The following NPAS3 variants were observed in gnomAD, a reference collection of about 807,000 sequenced individuals.
The protein encoded by NPAS3 is neuronal PAS domain-containing protein 3.
In NPAS3, 14 loss-of-function variants were observed where a neutral mutation model predicts 73.1. The ratio of observed to expected loss-of-function variants is 0.19; its 90% CI spans 0.13 to 0.30. NPAS3 has a LOEUF of 0.30. NPAS3 is among the 10% of genes least tolerant of loss of function. The probability of loss-of-function intolerance (pLI) is 1.00; values close to 1 mark genes in which losing one functional copy is unlikely to be tolerated. For missense variants in NPAS3, 1,096 were observed against 1,250.0 expected, an observed-to-expected ratio of 0.88 and a Z score of 1.86; for synonymous variants, 620 against 541.5, an observed-to-expected ratio of 1.14 and a Z score of -2.01.
intron 2 of NPAS3, among the ~76,000 whole-genome samples, chr14:33,180,800 A>AAAC (rs2045769418): frequency 2.4e-5 from 1 of 41,428 alleles, no homozygotes; most frequent in Non-Finnish European, 5.3e-5. Flanking sequence ...CACTGTCTCC[A>AAAC]AGAAAAAAAA....
At chr14:33,527,766 G>T (rs1347115043) in intron 4 of NPAS3, among the ~76,000 whole-genome samples, 1 of 152,156 alleles carries the variant, frequency 6.6e-6, no homozygotes, top group Non-Finnish European at 1.5e-5. Flanking sequence ...TTTGAAATGT[G>T]AGAATCCTGT....
chr14:33,747,954 GCTC>G (rs2061854178), intron 7 of NPAS3, among the ~76,000 whole-genome samples: 1 of 152,008 alleles, frequency 6.6e-6, no homozygotes, highest in Admixed American at 6.6e-5. Context: ...GCTTTATCCT[GCTC>G]CTTACTGTTC....
intron 2 of NPAS3, among the ~76,000 whole-genome samples, chr14:33,084,705 C>G (rs113400649): frequency 0.026 from 3,974 of 152,094 alleles, 64 homozygotes; most frequent in Non-Finnish European, 0.039. Flanking sequence ...GAGGGGAGAC[C>G]CTTGAGGTTA....
At chr14:33,178,068 G>T (rs1176658252) in intron 2 of NPAS3, among the ~76,000 whole-genome samples, 1 of 136,672 alleles carries the variant, frequency 7.3e-6, no homozygotes, top group African/African-American at 2.7e-5. Context: ...GCATTGAAGT[G>T]AATTTTTTTT....
chr14:33,227,213 A>G (rs2047668280), intron 3 of NPAS3, among the ~76,000 whole-genome samples: 1 of 152,252 alleles, frequency 6.6e-6, no homozygotes, highest in Middle Eastern at 3.4e-3. Flanking sequence ...TCTTCTATGG[A>G]TACTGAGCTC....
At chr14:33,116,186 G>T (rs748162237) in intron 2 of NPAS3, among the ~76,000 whole-genome samples, 4 of 151,940 alleles carry the variant, frequency 2.6e-5, no homozygotes, top group Non-Finnish European at 5.9e-5. Context: ...TGTCACAAAG[G>T]GATTATATCT....
intron 3 of NPAS3, among the ~76,000 whole-genome samples, chr14:33,291,514 A>AG (rs1336547564): frequency 6.6e-6 from 1 of 152,230 alleles, no homozygotes; most frequent in Non-Finnish European, 1.5e-5. Flanking sequence ...TTCAGCCTCA[A>AG]GATGAGGATG....
At chr14:33,641,730 G>C (rs563316373) in intron 5 of NPAS3, among the ~76,000 whole-genome samples, 2 of 151,806 alleles carry the variant, frequency 1.3e-5, no homozygotes, top group East Asian at 3.9e-4. Flanking sequence ...TCTGTCTATG[G>C]TCTCCTGACA....
chr14:33,231,713 G>T (rs761856012), intron 3 of NPAS3, among the ~76,000 whole-genome samples: 2 of 151,992 alleles, frequency 1.3e-5, no homozygotes, highest in Non-Finnish European at 2.9e-5. Flanking sequence ...TTTCTTTCTC[G>T]TATGTAGAAC....
At chr14:33,404,607 A>G (rs2047585732) in intron 4 of NPAS3, among the ~76,000 whole-genome samples, 1 of 152,126 alleles carries the variant, frequency 6.6e-6, no homozygotes, top group African/African-American at 2.4e-5. Flanking sequence ...TCATGGAGCT[A>G]CATACTTTTT....
chr14:33,502,510 T>C (rs2052567206), intron 4 of NPAS3, among the ~76,000 whole-genome samples: 2 of 151,984 alleles, frequency 1.3e-5, no homozygotes, highest in Admixed American at 6.6e-5. Flanking sequence ...TTTGACTTCG[T>C]GTGTTTTCTT....
intron 4 of NPAS3, among the ~76,000 whole-genome samples, chr14:33,529,732 C>T (rs771302859): frequency 4.6e-5 from 7 of 151,842 alleles, no homozygotes; most frequent in East Asian, 3.9e-4. Context: ...AAGTGACCAC[C>T]GTGAACATCC....
chr14:33,473,861 C>T (rs1296134480), intron 4 of NPAS3, among the ~76,000 whole-genome samples: 1 of 152,158 alleles, frequency 6.6e-6, no homozygotes, highest in African/African-American at 2.4e-5. Context: ...TTTAGCACTA[C>T]AATTGCAAAG....
chr14:33,279,875 C>T (rs964861488), intron 3 of NPAS3, among the ~76,000 whole-genome samples: 8 of 151,944 alleles, frequency 5.3e-5, no homozygotes, highest in Non-Finnish European at 1.5e-5. Context: ...TTTTGAACTG[C>T]AAAAAAATCA....
At position 32,961,508 on chromosome 14, in the gene NPAS3, C is replaced by T. The variant is rs537043144; in HGVS notation, c.50+22142C>T. On this transcript the variant is annotated intron_variant, in intron 1 of 11. Coordinates refer to ENST00000356141, the Ensembl canonical transcript of NPAS3. ...CTGTTTTCACACTGAATCTCAGTAA[C>T]GTGTTGTGATAAATTGCTCCATATC... Among the ~76,000 whole-genome samples, 25 of 151,930 alleles carry T rather than the reference C, an allele frequency of 1.6e-4. 1 individual carries two copies. Among genetic ancestry groups the T allele is most frequent in the Middle Eastern group, 3.4e-3 (1 of 292 alleles).
At chr14:33,365,974 G>A (rs576838882) in intron 3 of NPAS3, among the ~76,000 whole-genome samples, 5 of 152,204 alleles carry the variant, frequency 3.3e-5, no homozygotes, top group African/African-American at 1.2e-4. Flanking sequence ...GTAGTAGCTG[G>A]GCTTGAGAGA....
chr14:33,407,774 A>C (rs563255860), intron 4 of NPAS3, among the ~76,000 whole-genome samples: 1 of 152,216 alleles, frequency 6.6e-6, no homozygotes, highest in South Asian at 2.1e-4. Flanking sequence ...GATATCCTCA[A>C]GGGTGGTCTT....
At chr14:33,254,128 C>T (rs952826042) in intron 3 of NPAS3, among the ~76,000 whole-genome samples, 2 of 152,036 alleles carry the variant, frequency 1.3e-5, no homozygotes, top group Admixed American at 1.3e-4. Context: ...GACTGGGGTC[C>T]TCGCATGCAG....
chr14:33,268,888 G>A (rs921256196), intron 3 of NPAS3, among the ~76,000 whole-genome samples: 1 of 152,182 alleles, frequency 6.6e-6, no homozygotes, highest in African/African-American at 2.4e-5. Flanking sequence ...GAGGAGGAAG[G>A]CAGTCCTGGA....
Sources: gnomAD v4.1 joint callset for allele counts (sites outside exome capture counted in the v4.1 genomes callset) on GRCh38, gnomAD v4.1.1 for gene constraint, MANE v1.5 for transcripts, NCBI Gene and HGNC (gene_info 2026-07-23, HGNC 2026-07-21) for gene names.